DNAAF5: variants seen among roughly 807,000 people sequenced by gnomAD.
The protein encoded by DNAAF5 is HEAT repeat containing 2.
DNAAF5 carries 64 observed loss-of-function variants against 75.8 expected under a neutral mutation model. The observed-to-expected ratio is 0.84, with a 90% CI of 0.69 to 1.04. The LOEUF is 1.04. DNAAF5 is among the 50% of genes least tolerant of loss of function. The pLI is 0.00. For synonymous variants in DNAAF5, 657 were observed against 557.2 expected, an observed-to-expected ratio of 1.18 and a Z score of -2.52; for missense variants, 1,269 against 1,178.5, an observed-to-expected ratio of 1.08 and a Z score of -1.12.
Position 770,636 on chromosome 7 carries a change from C to G in DNAAF5, c.1931+18C>G. Reference sequence around the variant, plus strand: ...TCCCAGGGGTAGGTCCGGGCTCTGCCTCTGCACGGCCCCCAGCTGGGGCCT... The same window carrying G: ...TCCCAGGGGTAGGTCCGGGCTCTGCGTCTGCACGGCCCCCAGCTGGGGCCT... On this transcript the variant is annotated intron_variant, in intron 9 of 12. Transcript: ENST00000297440. The G allele has an allele frequency of 6.2e-7, 1 of 1,609,134 alleles. No individual in the cohort carries two copies. Among genetic ancestry groups the G allele is most frequent in the Non-Finnish European group, 8.5e-7 (1 of 1,177,650 alleles).
In DNAAF5 at chr7:786,271, G is replaced by A. The variant is rs1779141986; in HGVS notation, c.*618G>A. 1 of 152,230 alleles carries A rather than the reference G, an allele frequency of 6.6e-6. No individual in the cohort carries two copies. Among genetic ancestry groups the A allele is most frequent in the South Asian group, 2.1e-4 (1 of 4,830 alleles). The allele number at this position is 152,230 out of a possible 1,614,324, so 9.4% of individuals were successfully genotyped here. ...CAATATTTCATGAGATCTAATTGTGGTTGCCCCTATAGGTAGCAGGAAAGT... is the reference window on the plus strand; with the variant it reads ...CAATATTTCATGAGATCTAATTGTGATTGCCCCTATAGGTAGCAGGAAAGT... On this transcript the variant is annotated 3_prime_UTR_variant, in exon 13 of 13. Coordinates refer to ENST00000297440, the MANE Select transcript of DNAAF5 (RefSeq NM_017802.4).
chr7:743,617 A>C (rs558424277), intron 4 of DNAAF5, among the ~76,000 whole-genome samples: 103 of 148,424 alleles, frequency 6.9e-4, no homozygotes, highest in African/African-American at 2.5e-3. Context: ...GTTCTGATGG[A>C]GTGAAGCCAG....
At chr7:727,552 G>T in intron 1 of DNAAF5, 1 of 263,908 alleles carries the variant, frequency 3.8e-6, no homozygotes, top group Non-Finnish European at 6.9e-6. Flanking sequence ...CCACCAACGC[G>T]CCCTTCAGCT....
At chr7:736,261 T>C (rs1016814375) in intron 2 of DNAAF5, among the ~76,000 whole-genome samples, 6 of 152,260 alleles carry the variant, frequency 3.9e-5, no homozygotes, top group African/African-American at 1.4e-4. Flanking sequence ...TGTTTCTTTG[T>C]TGATTTTCTC....
intron 12 of DNAAF5, among the ~76,000 whole-genome samples, chr7:780,544 A>G (rs182462030): frequency 2.0e-5 from 3 of 152,378 alleles, no homozygotes; most frequent in South Asian, 4.1e-4. Context: ...TCTTCCATAC[A>G]GTCAGTCATG....
chr7:769,140 C>G (rs766041534), intron 8 of DNAAF5: 1 of 770,760 alleles, frequency 1.3e-6, no homozygotes, highest in East Asian at 2.4e-5. Context: ...ACCGAGCAGC[C>G]TGCTCTGATG....
intron 4 of DNAAF5, among the ~76,000 whole-genome samples, chr7:743,708 AG>A (rs1485335038): frequency 6.9e-6 from 1 of 145,108 alleles, no homozygotes; most frequent in Non-Finnish European, 1.5e-5. Context: ...GCAATGACTC[AG>A]TCTCGGCTCA....
At position 756,806 on chromosome 7, in the gene DNAAF5, G is replaced by A. The variant is rs768679540; in HGVS notation, c.1282G>A (p.Gly428Arg). 36 of 1,613,756 alleles carry A rather than the reference G, an allele frequency of 2.2e-5. No homozygotes were observed. The highest frequency in any genetic ancestry group is 2.6e-5 in the Non-Finnish European group (31 of 1,180,016). Residue 428 changes from glycine to arginine, a missense_variant, in exon 6 of 13, where the codon GGG becomes AGG. Transcript: ENST00000297440. The part of the protein sequence containing the change: ...QSCTRSAELV[G>R]TFVSPEVFLK... ...GTGTACCAGATCCGCAGAGCTCGTC[G>A]GGACGTTTGTCAGCCCTGAGGTGTT...
At chr7:729,640 C>T in intron 1 of DNAAF5, 23 bp from the exon 2 acceptor site, 1 of 1,606,380 alleles carries the variant, frequency 6.2e-7, no homozygotes, top group South Asian at 1.1e-5. Flanking sequence ...GCTCTGGTAA[C>T]TGGGGGCCTC....
chr7:770,898 G>A, intron 9 of DNAAF5: 2 of 374,960 alleles, frequency 5.3e-6, no homozygotes, highest in Non-Finnish European at 9.9e-6. Flanking sequence ...GTCTGAGGTG[G>A]GCGTGTGCAG....
chr7:727,245 G>C lies in DNAAF5; in HGVS notation c.525G>C (p.Leu175=). ...DDALRALRCS[L]LDPFAAVRRE... is the part of the protein sequence containing the mutation. ...CTCTGCGCGCGCTGCGCTGCTCCCT[G>C]CTCGACCCCTTCGCCGCCGTGCGCC... The change falls in exon 1 of 13, where the codon CTG becomes CTC. Residue 175 remains leucine (L), a synonymous_variant. Transcript: ENST00000297440. The C allele has an allele frequency of 3.0e-6, 4 of 1,348,768 alleles. No homozygotes were observed. The South Asian group carries it at 5.3e-5, about 18-fold the overall frequency. 83.6% of individuals were successfully genotyped at this position (1,348,768 alleles called of 1,614,324 possible).
At chr7:755,748 C>G (rs1041490459) in intron 5 of DNAAF5, among the ~76,000 whole-genome samples, 6 of 152,180 alleles carry the variant, frequency 3.9e-5, no homozygotes, top group Admixed American at 1.3e-4. Context: ...ACAAAAAAAT[C>G]TAAATCATTG....
chr7:784,274 C>T (rs917780652), intron 12 of DNAAF5, among the ~76,000 whole-genome samples: 12 of 152,206 alleles, frequency 7.9e-5, no homozygotes, highest in Admixed American at 2.0e-4. Context: ...GTGTCTGCAC[C>T]GCTCCCTCAG....
At chr7:763,713 C>G in intron 7 of DNAAF5, 93 bp from the exon 8 acceptor site, 4 of 1,408,400 alleles carry the variant, frequency 2.8e-6, no homozygotes, top group Non-Finnish European at 3.9e-6. Context: ...CTGTGTGGTT[C>G]TTACGCGTGA....
chr7:757,868 C>A (rs7796871), intron 6 of DNAAF5, among the ~76,000 whole-genome samples: 66,213 of 152,090 alleles, frequency 0.44, 14,773 homozygotes, highest in Non-Finnish European at 0.47. Flanking sequence ...GCTTCTATGG[C>A]CCCAAAGCTG....
At chr7:767,833 A>G (rs1015593145) in intron 8 of DNAAF5, among the ~76,000 whole-genome samples, 5 of 148,582 alleles carry the variant, frequency 3.4e-5, no homozygotes, top group Non-Finnish European at 7.4e-5. Context: ...TCCGGGTGGA[A>G]GTGTCCCTGC....
chr7:782,352 C>T lies in DNAAF5; in HGVS notation c.2431+2208C>T, dbSNP rs573121679. ...GCGTCAGAAACTCGGCTCTTCGCGG[C>T]GTGGCCGCCTCCCGTCACGCGGCGT... On this transcript the variant is annotated intron_variant, in intron 12 of 12. Coordinates refer to ENST00000297440, the MANE Select transcript of DNAAF5 (RefSeq NM_017802.4). Among the ~76,000 whole-genome samples, 479 of 148,588 alleles carry T rather than the reference C, an allele frequency of 3.2e-3. 8 individuals are homozygous for T. The highest frequency in any genetic ancestry group is 0.011 in the African/African-American group (455 of 39,790).
At chr7:774,701 G>A (rs1032470118) in intron 10 of DNAAF5, among the ~76,000 whole-genome samples, 1 of 152,204 alleles carries the variant, frequency 6.6e-6, no homozygotes, top group African/African-American at 2.4e-5. Flanking sequence ...TGGTGCACGC[G>A]GGGTGGTGCG....
At chr7:749,425 A>T (rs999215381) in intron 4 of DNAAF5, among the ~76,000 whole-genome samples, 20 of 152,188 alleles carry the variant, frequency 1.3e-4, no homozygotes, top group African/African-American at 4.6e-4. Flanking sequence ...TTAAAGCCTG[A>T]CTTAGAAGTG....
Sources: allele counts gnomAD v4.1 joint callset (sites outside exome capture counted in the v4.1 genomes callset), GRCh38; gene constraint gnomAD v4.1.1; transcripts MANE v1.5; gene names NCBI Gene and HGNC (gene_info 2026-07-23, HGNC 2026-07-21).